The following CAST variants were observed in gnomAD, a reference collection of about 807,000 sequenced individuals.
CAST encodes MIR583 host.
Under a neutral mutation model 119.6 loss-of-function variants are expected in CAST, and 76 were observed. The ratio of observed to expected loss-of-function variants is 0.64; its 90% confidence interval spans 0.53 to 0.77. The LOEUF (loss-of-function observed/expected upper bound fraction) is 0.77, where lower values mean the gene tolerates loss of function less well. CAST is among the 30% of genes least tolerant of loss of function. CAST has a pLI of 0.00. For missense variants in CAST, 953 were observed against 946.5 expected, an observed-to-expected ratio of 1.01 and a Z score of -0.09; for synonymous variants, 319 against 331.6, an observed-to-expected ratio of 0.96 and a Z score of 0.41.
chr5:96,241,142 A>G, the CAST span, among the ~76,000 whole-genome samples: 1 of 151,542 alleles, frequency 6.6e-6, no homozygotes, highest in East Asian at 1.9e-4. Context: ...TACATGTGCC[A>G]TGCTGGTGTG....
chr5:96,279,451 A>T, the CAST span, among the ~76,000 whole-genome samples: 1 of 152,196 alleles, frequency 6.6e-6, no homozygotes, highest in East Asian at 1.9e-4. Flanking sequence ...ACTCCTTTCC[A>T]TGCCCAAGAA....
upstream of CAST, among the ~76,000 whole-genome samples, chr5:96,524,761 G>T (rs1411423193): frequency 6.6e-6 from 1 of 152,170 alleles, no homozygotes; most frequent in Admixed American, 6.5e-5. Flanking sequence ...TGAGACCAAA[G>T]ATGTATTTCC....
rs571855322 is a variant in CAST at position 96,578,815 on chromosome 5, G to T, written c.60+48935G>T. Among the ~76,000 whole-genome samples the T allele has an allele frequency of 6.4e-4, 98 of 152,144 alleles. No individual in the cohort carries two copies. In the South Asian group the frequency reaches 0.012, roughly 19 times the overall value. ...CATTTTGTCTGTTTTTTTAGGAGAT[G>T]CTAGGTCTTATTTAAAGCTCTTTTA... On this transcript the variant is annotated intron_variant, in intron 1 of 11. Transcript: ENST00000505143.
chr5:96,167,586 G>T, the CAST span, among the ~76,000 whole-genome samples: 1 of 152,062 alleles, frequency 6.6e-6, no homozygotes, highest in Non-Finnish European at 1.5e-5. Context: ...GTTTTTAAAA[G>T]ACCATTAGTT....
chr5:96,247,461 T>C, the CAST span, among the ~76,000 whole-genome samples: 1 of 152,270 alleles, frequency 6.6e-6, no homozygotes, highest in Non-Finnish European at 1.5e-5. Context: ...CCAGAGTTCA[T>C]GTGCGTAGCA....
At chr5:96,371,747 A>G in the CAST span, among the ~76,000 whole-genome samples, 1 of 152,242 alleles carries the variant, frequency 6.6e-6, no homozygotes, top group Non-Finnish European at 1.5e-5. Flanking sequence ...TCATGAGCCT[A>G]GACAACCAGT....
chr5:96,063,759 G>C, the CAST span, among the ~76,000 whole-genome samples: 1 of 152,134 alleles, frequency 6.6e-6, no homozygotes, highest in South Asian at 2.1e-4. Context: ...AGGTTGCTAC[G>C]TGTCATTCCC....
the CAST span, among the ~76,000 whole-genome samples, chr5:96,121,240 A>T: frequency 6.6e-6 from 1 of 152,306 alleles, no homozygotes; most frequent in South Asian, 2.1e-4. Flanking sequence ...TGAATAAATG[A>T]TGTGGCTTTG....
At chr5:96,478,518 G>T in the CAST span, among the ~76,000 whole-genome samples, 1 of 152,182 alleles carries the variant, frequency 6.6e-6, no homozygotes, top group African/African-American at 2.4e-5. Flanking sequence ...AAGGTCAACA[G>T]TCCTTACCAT....
chr5:96,689,751 C>G (rs1172856908), intron 2 of CAST, among the ~76,000 whole-genome samples: 2 of 152,192 alleles, frequency 1.3e-5, no homozygotes, highest in East Asian at 3.8e-4. Context: ...ATCCGATACT[C>G]ATCATAAAAT....
chr5:96,183,890 C>A, the CAST span, among the ~76,000 whole-genome samples: 1 of 152,122 alleles, frequency 6.6e-6, no homozygotes, highest in South Asian at 2.1e-4. Flanking sequence ...ACATAAACAA[C>A]CCAGAATTTT....
the CAST span, among the ~76,000 whole-genome samples, chr5:96,051,576 C>A: frequency 6.6e-6 from 1 of 152,110 alleles, no homozygotes; most frequent in Non-Finnish European, 1.5e-5. Context: ...TTGTAAAGTT[C>A]TCCCCTAGGG....
the CAST span, among the ~76,000 whole-genome samples, chr5:96,263,602 T>TAGAG: frequency 0.048 from 7,031 of 146,006 alleles, 518 homozygotes; most frequent in African/African-American, 0.16. Context: ...GATAGCAAAT[T>TAGAG]AGAGAGAGAG....
chr5:96,422,539 G>A, the CAST span, among the ~76,000 whole-genome samples: 142 of 152,190 alleles, frequency 9.3e-4, no homozygotes, highest in African/African-American at 3.2e-3. Flanking sequence ...AACGCCTCCC[G>A]CATACCCTTA....
At chr5:95,978,998 T>C in the CAST span, among the ~76,000 whole-genome samples, 15 of 152,258 alleles carry the variant, frequency 9.9e-5, no homozygotes, top group African/African-American at 3.6e-4. Flanking sequence ...CTCCTGTCAG[T>C]GAACTGGTGG....
the CAST span, among the ~76,000 whole-genome samples, chr5:96,205,984 T>G: frequency 6.6e-6 from 1 of 152,174 alleles, no homozygotes; most frequent in South Asian, 2.1e-4. Context: ...ATCTGCTATT[T>G]TTTTTTAAAC....
the CAST span, among the ~76,000 whole-genome samples, chr5:96,426,446 C>G: frequency 6.6e-6 from 1 of 152,186 alleles, no homozygotes; most frequent in Non-Finnish European, 1.5e-5. Context: ...GAAACTCCCT[C>G]CCCTGTGCTT....
intron 3 of CAST, among the ~76,000 whole-genome samples, chr5:96,713,536 A>G (rs1200578120): frequency 2.6e-5 from 4 of 152,240 alleles, no homozygotes; most frequent in Non-Finnish European, 5.9e-5. Context: ...CTTGCTACCA[A>G]GATTCCTCTT....
At chr5:96,597,727 A>G (rs1747077061) in intron 1 of CAST, among the ~76,000 whole-genome samples, 1 of 152,068 alleles carries the variant, frequency 6.6e-6, no homozygotes, top group African/African-American at 2.4e-5. Flanking sequence ...TTTCCTACCA[A>G]ATAATTATCG....
Sources: allele counts gnomAD v4.1 joint callset (sites outside exome capture counted in the v4.1 genomes callset), GRCh38; gene constraint gnomAD v4.1.1; transcripts MANE v1.5; gene names NCBI Gene and HGNC (gene_info 2026-07-23, HGNC 2026-07-21).